CADPS2: variants seen among roughly 807,000 people sequenced by gnomAD.
CADPS2 encodes the protein calcium dependent secretion activator 2, also known as calcium-dependent secretion activator 2.
A neutral mutation model predicts 172.5 loss-of-function variants in CADPS2; 93 were observed. That is an observed-to-expected ratio of 0.54 (90% CI 0.46 to 0.64). The LOEUF is 0.64. Ranked by LOEUF, CADPS2 falls within the 30% of genes least tolerant of loss-of-function variation. The pLI is 0.00. For missense variants in CADPS2, 1,420 were observed against 1,565.9 expected (o/e 0.91, Z 1.57); for synonymous variants, 546 against 555.2 (o/e 0.98, Z 0.23).
Position 122,451,427 on chromosome 7 carries a change from C to T in CADPS2, c.2235G>A (p.Glu745=). The change falls in exon 15 of 30, where the codon GAG becomes GAA. Residue 745 remains glutamate (E), a synonymous_variant. Coordinates refer to ENST00000449022, the MANE Select transcript of CADPS2 (RefSeq NM_017954.11). ...TVSVEEKERF[E]EIKERLSSLL... ...GGGAAGAGAGTCTCTCTTTTATCTC[C>T]TCAAATCTTTCTTTTTCTTCCACTG... 1.3e-6 allele frequency: 2 copies of T among 1,583,808 alleles called. No individual in the cohort carries two copies. Among genetic ancestry groups the T allele is most frequent in the South Asian group, 1.2e-5 (1 of 84,476 alleles).
intron 1 of CADPS2, among the ~76,000 whole-genome samples, chr7:122,777,693 C>T (rs1281649573): frequency 1.3e-5 from 2 of 152,004 alleles, no homozygotes; most frequent in Non-Finnish European, 2.9e-5. Context: ...AGGCTTTCCC[C>T]CACTTCCCTC....
intron 2 of CADPS2, among the ~76,000 whole-genome samples, chr7:122,727,806 C>T (rs555230393): frequency 6.6e-6 from 1 of 152,028 alleles, no homozygotes; most frequent in South Asian, 2.1e-4. Context: ...TGTGCAAATT[C>T]TTACTCAACA....
chr7:122,488,412 A>G (rs991005996), intron 11 of CADPS2, among the ~76,000 whole-genome samples: 11 of 152,234 alleles, frequency 7.2e-5, no homozygotes, highest in Admixed American at 5.9e-4. Context: ...ACCCCTGTGC[A>G]TAGCTGGGGA....
chr7:122,545,466 A>G (rs1048818500), intron 8 of CADPS2, among the ~76,000 whole-genome samples: 1 of 152,174 alleles, frequency 6.6e-6, no homozygotes, highest in African/African-American at 2.4e-5. Context: ...TAAAATCTAG[A>G]CGAACCAGAT....
At chr7:122,455,181 G>A (rs2053609151) in intron 14 of CADPS2, among the ~76,000 whole-genome samples, 1 of 152,196 alleles carries the variant, frequency 6.6e-6, no homozygotes, top group South Asian at 2.1e-4. Flanking sequence ...CAGGAAGCAA[G>A]CTCCAGGCTC....
chr7:122,468,285 G>A (rs966509930), intron 14 of CADPS2, among the ~76,000 whole-genome samples: 7 of 152,054 alleles, frequency 4.6e-5, no homozygotes, highest in Non-Finnish European at 7.4e-5. Flanking sequence ...ATAAGACCAC[G>A]GCAAACAATG....
At chr7:122,589,121 C>CACATAATGGCCACATAT (rs1242186467) in intron 6 of CADPS2, among the ~76,000 whole-genome samples, 8 of 151,980 alleles carry the variant, frequency 5.3e-5, no homozygotes, top group African/African-American at 1.9e-4. Context: ...CATTGCCCTG[C>CACATAATGGCCACATAT]ACATAATGGC....
At chr7:122,739,978 A>G (rs1460277234) in intron 1 of CADPS2, among the ~76,000 whole-genome samples, 2 of 152,200 alleles carry the variant, frequency 1.3e-5, no homozygotes, top group Non-Finnish European at 2.9e-5. Context: ...TTAAAATAAT[A>G]TAAAAGATGT....
intron 6 of CADPS2, among the ~76,000 whole-genome samples, chr7:122,611,510 A>G (rs1330620601): frequency 1.3e-5 from 2 of 152,104 alleles, no homozygotes; most frequent in East Asian, 3.9e-4. Context: ...CTTTTGCACC[A>G]ACATAACAGG....
chr7:122,334,348 T>C (rs563308332), intron 28 of CADPS2, among the ~76,000 whole-genome samples: 1 of 152,310 alleles, frequency 6.6e-6, no homozygotes, highest in East Asian at 1.9e-4. Context: ...TCTGAGGCCA[T>C]GGGGTGTATT....
intron 2 of CADPS2, among the ~76,000 whole-genome samples, chr7:122,687,136 A>T (rs1011650065): frequency 6.6e-6 from 1 of 152,340 alleles, no homozygotes; most frequent in Admixed American, 6.5e-5. Context: ...GGGAGCTACT[A>T]GCTCCAATAT....
intron 1 of CADPS2, among the ~76,000 whole-genome samples, chr7:122,792,461 T>C (rs37896): frequency 0.44 from 67,326 of 151,996 alleles, 17,360 homozygotes; most frequent in African/African-American, 0.72. Flanking sequence ...AAATCTTCAG[T>C]ACCTTGACCT....
chr7:122,857,074 T>C (rs1815455564), intron 1 of CADPS2, among the ~76,000 whole-genome samples: 1 of 152,172 alleles, frequency 6.6e-6, no homozygotes, highest in African/African-American at 2.4e-5. Context: ...GGAAAGAATA[T>C]ATAACCATTG....
intron 8 of CADPS2, among the ~76,000 whole-genome samples, chr7:122,522,764 ATTCTAAC>A (rs929904147): frequency 7.3e-6 from 1 of 136,550 alleles, no homozygotes. Flanking sequence ...GGTAATTATC[ATTCTAAC>A]TTCTATCTCC....
At chr7:122,589,052 C>CTGTA (rs2070281706) in intron 6 of CADPS2, among the ~76,000 whole-genome samples, 1 of 151,890 alleles carries the variant, frequency 6.6e-6, no homozygotes, top group African/African-American at 2.4e-5. Flanking sequence ...TGCCAATGAG[C>CTGTA]TGTAGTATCC....
intron 2 of CADPS2, among the ~76,000 whole-genome samples, chr7:122,699,693 T>G (rs919884737): frequency 2.6e-5 from 4 of 152,134 alleles, no homozygotes; most frequent in Non-Finnish European, 5.9e-5. Context: ...CTGTCTTACA[T>G]TGACTGTACA....
chr7:122,620,032 CAG>C (rs2075403723), intron 5 of CADPS2, among the ~76,000 whole-genome samples: 1 of 152,148 alleles, frequency 6.6e-6, no homozygotes. Context: ...GAATTTATCT[CAG>C]AGTTAAATAT....
chr7:122,852,614 A>G (rs891117012), intron 1 of CADPS2, among the ~76,000 whole-genome samples: 1 of 152,190 alleles, frequency 6.6e-6, no homozygotes, highest in African/African-American at 2.4e-5. Flanking sequence ...TTTCAGGTAC[A>G]GAGAACAGTA....
chr7:122,528,301 C>T (rs1027933567), intron 8 of CADPS2, among the ~76,000 whole-genome samples: 1 of 152,090 alleles, frequency 6.6e-6, no homozygotes, highest in South Asian at 2.1e-4. Context: ...ATATCTTTTT[C>T]TAAAATGAAG....
Sources: gnomAD v4.1 joint callset for allele counts (sites outside exome capture counted in the v4.1 genomes callset) on GRCh38, gnomAD v4.1.1 for gene constraint, MANE v1.5 for transcripts, NCBI Gene and HGNC (gene_info 2026-07-23, HGNC 2026-07-21) for gene names.